DNAJC6: variants seen among roughly 807,000 people sequenced by gnomAD.
DNAJC6 encodes the protein DnaJ heat shock protein family (Hsp40) member C6, also known as auxilin.
In DNAJC6, 34 loss-of-function variants were observed where a neutral mutation model predicts 110.0. The ratio of observed to expected loss-of-function variants is 0.31; its 90% CI spans 0.24 to 0.41. DNAJC6 has a LOEUF of 0.41. DNAJC6 is among the 10% of genes least tolerant of loss of function. The probability of loss-of-function intolerance (pLI) is 1.00; values close to 1 mark genes in which losing one functional copy is unlikely to be tolerated. For synonymous variants in DNAJC6, 406 were observed against 437.2 expected, an observed-to-expected ratio of 0.93 and a Z score of 0.89; for missense variants, 1,031 against 1,207.8, an observed-to-expected ratio of 0.85 and a Z score of 2.17.
intron 1 of DNAJC6, among the ~76,000 whole-genome samples, chr1:65,284,700 T>C (rs1347983791): frequency 6.6e-6 from 1 of 152,064 alleles, no homozygotes; most frequent in African/African-American, 2.4e-5. Flanking sequence ...TTTTGTTTTT[T>C]TTTTTGAGAC....
At chr1:65,349,857 A>G (rs1421974114) in intron 1 of DNAJC6, among the ~76,000 whole-genome samples, 20 of 152,138 alleles carry the variant, frequency 1.3e-4, no homozygotes, top group Admixed American at 4.6e-4. Context: ...ACCAGGGACA[A>G]TGTTGGTTCT....
At chr1:65,265,568 T>G (rs564035907) in intron 1 of DNAJC6, among the ~76,000 whole-genome samples, 2 of 152,242 alleles carry the variant, frequency 1.3e-5, no homozygotes, top group African/African-American at 4.8e-5. Context: ...GAGAAACGAA[T>G]TTAAATAAAA....
At chr1:65,380,542 AT>A (rs1221331236) in intron 5 of DNAJC6, among the ~76,000 whole-genome samples, 2 of 152,220 alleles carry the variant, frequency 1.3e-5, no homozygotes, top group African/African-American at 4.8e-5. Context: ...AGACCAAAGG[AT>A]TTTCCTTTCC....
chr1:65,302,087 A>G lies in DNAJC6; in HGVS notation c.-131+37155A>G, dbSNP rs11208623. Among the ~76,000 whole-genome samples, 4 of 55,682 alleles carry G rather than the reference A, an allele frequency of 7.2e-5. No individual in the cohort carries two copies. In the South Asian group the frequency reaches 2.5e-3, roughly 34 times the overall value. The allele number at this position is 55,682 out of a possible 152,430, so 36.5% of individuals were successfully genotyped here. On this transcript the variant is annotated intron_variant, in intron 1 of 19. Coordinates refer to the DNAJC6 transcript ENST00000263441. ...ATTTTATATATAATACGTATTATAT[A>G]TATTATATATATAATATATAATATA...
At chr1:65,307,831 GT>G (rs570002580), upstream of DNAJC6, among the ~76,000 whole-genome samples, 131 of 152,264 alleles carry the variant, frequency 8.6e-4, 1 homozygote, top group African/African-American at 3.0e-3. Flanking sequence ...TTTTATTGCA[GT>G]TTTTCCTGCC....
rs1557551940 is a variant in DNAJC6, at chr1:65,380,894, TTTTTTTTTTGTTTTTTG to T, written c.666+1375_666+1391del. The stretch of plus-strand genomic sequence containing the variant: ...GAATTGAAGCTGGGGGAGGGAGTTT[TTTTTTTTTTGTTTTTTG>T]TTTTGTTTTGTTTTTTTTTTTTTTT... On this transcript the variant is annotated intron_variant, in intron 5 of 18. Transcript: ENST00000371069. 4.4e-4 allele frequency among the ~76,000 whole-genome samples: 60 copies of T among 135,988 alleles called. 6 individuals are homozygous for T. Among genetic ancestry groups the T allele is most frequent in the African/African-American group, 1.4e-3 (44 of 32,020 alleles). 89.2% of individuals were successfully genotyped at this position (135,988 alleles called of 152,430 possible). A position where few individuals can be genotyped will look rare whatever the true frequency, so the allele number is the denominator to read the frequency against.
At chr1:65,301,521 G>A (rs1253588296) in intron 1 of DNAJC6, among the ~76,000 whole-genome samples, 2 of 152,204 alleles carry the variant, frequency 1.3e-5, no homozygotes, top group African/African-American at 4.8e-5. Flanking sequence ...CCAGATTCAA[G>A]TTTGGGTTCC....
intron 1 of DNAJC6, among the ~76,000 whole-genome samples, chr1:65,291,552 A>T (rs762187396): frequency 1.4e-4 from 22 of 152,168 alleles, no homozygotes; most frequent in Non-Finnish European, 2.9e-4. Context: ...GGGAAAGGAG[A>T]TTAAAATGAA....
In DNAJC6 at chr1:65,309,875, G is replaced by T; in HGVS notation, c.130G>T (p.Gly44Trp). ...GVGGKQRVNA[G>W]AAARSPARQP... ...TGGCGGCAAGCAGAGAGTGAACGCCGGGGCAGCGGCGCGGAGTCCCGCCCG... is the reference window on the plus strand; with the variant it reads ...TGGCGGCAAGCAGAGAGTGAACGCCTGGGCAGCGGCGCGGAGTCCCGCCCG... The change falls in exon 1 of 19, where the codon GGG becomes TGG. Residue 44 changes from glycine (G) to tryptophan (W), a missense_variant. Physicochemically the swap from Gly to Trp is radical, Grantham distance 184. Transcript: ENST00000371069. 6.5e-7 allele frequency: 1 copy of T among 1,546,790 alleles called. No homozygotes were observed. Among genetic ancestry groups the T allele is most frequent in the East Asian group, 2.5e-5 (1 of 40,418 alleles).
At chr1:65,325,532 G>T (rs1645234181) in intron 1 of DNAJC6, among the ~76,000 whole-genome samples, 2 of 152,306 alleles carry the variant, frequency 1.3e-5, no homozygotes, top group South Asian at 2.1e-4. Context: ...CTAGCTCAAT[G>T]AAATTTGCAT....
intron 1 of DNAJC6, among the ~76,000 whole-genome samples, chr1:65,302,107 A>AATAT (rs71056094): frequency 8.6e-4 from 46 of 53,780 alleles, no homozygotes; most frequent in East Asian, 2.5e-3. Flanking sequence ...TATAATATAT[A>AATAT]ATATATATAT....
chr1:65,315,723 A>T (rs12034917), intron 1 of DNAJC6, among the ~76,000 whole-genome samples: 20,027 of 152,162 alleles, frequency 0.13, 1,820 homozygotes, highest in East Asian at 0.27. Flanking sequence ...AGTAACGGTC[A>T]TCTTATAGTT....
intron 1 of DNAJC6, among the ~76,000 whole-genome samples, chr1:65,319,953 C>T (rs1266708366): frequency 6.6e-6 from 1 of 152,156 alleles, no homozygotes; most frequent in Non-Finnish European, 1.5e-5. Context: ...GTCAGTGAGT[C>T]AGCATGCCTG....
At chr1:65,332,272 G>C in intron 1 of DNAJC6, among the ~76,000 whole-genome samples, 1 of 152,162 alleles carries the variant, frequency 6.6e-6, no homozygotes, top group East Asian at 1.9e-4. Flanking sequence ...GTAGACTACA[G>C]GAAGGGGCAA....
intron 4 of DNAJC6, among the ~76,000 whole-genome samples, chr1:65,374,113 G>T (rs767893512): frequency 6.6e-6 from 1 of 152,098 alleles, no homozygotes; most frequent in Non-Finnish European, 1.5e-5. Context: ...TTATATCTGG[G>T]TTCTCTATTT....
chr1:65,409,607 G>A (rs1451634596), intron 17 of DNAJC6, among the ~76,000 whole-genome samples: 1 of 152,042 alleles, frequency 6.6e-6, no homozygotes, highest in African/African-American at 2.4e-5. Context: ...AAGCCCCCAG[G>A]ATCTTTTCTC....
chr1:65,366,288 T>C (rs1645645992), intron 4 of DNAJC6, 92 bp downstream of exon 4: 1 of 1,392,354 alleles, frequency 7.2e-7, no homozygotes, highest in Non-Finnish European at 9.8e-7. Context: ...CCCTTAGGCA[T>C]CTGAAGCTGA....
Position 65,413,151 on chromosome 1 carries a change from C to T in DNAJC6, c.*126C>T. ...TTTTCAGTACTAAACCGTTAAGTTA[C>T]TCATGAATTAATTTCTCATTGATAA... On this transcript the variant is annotated 3_prime_UTR_variant, in exon 19 of 19. Coordinates refer to ENST00000371069, the MANE Select transcript of DNAJC6 (RefSeq NM_001256864.2). The T allele has an allele frequency of 1.4e-6, 1 of 704,716 alleles. No homozygotes were observed. The highest frequency in any genetic ancestry group is 2.8e-5 in the East Asian group (1 of 36,176). 43.7% of individuals were successfully genotyped at this position (704,716 alleles called of 1,614,324 possible).
rs746135843 is a variant in DNAJC6, at chr1:65,337,667, C to A, written c.194-26968C>A. On this transcript the variant is annotated intron_variant, in intron 1 of 18. Coordinates refer to ENST00000371069, the MANE Select transcript of DNAJC6 (RefSeq NM_001256864.2). The stretch of plus-strand genomic sequence containing the variant: ...CCAAGACAACAACAACAAAAAAGTA[C>A]AGAATAAAACAATGATTTGTCTAGC... Among the ~76,000 whole-genome samples, 4 of 151,990 alleles carry A rather than the reference C, an allele frequency of 2.6e-5. No homozygotes were observed. The South Asian group carries it at 6.2e-4, about 24-fold the overall frequency.
Sources: allele counts gnomAD v4.1 joint callset (sites outside exome capture counted in the v4.1 genomes callset), GRCh38; gene constraint gnomAD v4.1.1; transcripts MANE v1.5; gene names NCBI Gene and HGNC (gene_info 2026-07-23, HGNC 2026-07-21).